Variants in VAT1L observed in about 807,000 individuals in gnomAD.
VAT1L encodes the protein putative NADPH-dependent quinone oxidoreductase VAT1L.
In VAT1L, 34 loss-of-function variants were observed where a neutral mutation model predicts 44.1. That is an observed-to-expected ratio of 0.77 (90% CI 0.59 to 1.03). The LOEUF (loss-of-function observed/expected upper bound fraction) is 1.03. Among genes scored for constraint, VAT1L ranks in the 50% least tolerant of loss-of-function variants. The pLI is 0.00. For synonymous variants in VAT1L, 253 were observed against 202.2 expected, an observed-to-expected ratio of 1.25 and a Z score of -2.13; for missense variants, 615 against 538.8, an observed-to-expected ratio of 1.14 and a Z score of -1.40.
At chr16:77,973,459 A>C (rs556966896) in intron 8 of VAT1L, among the ~76,000 whole-genome samples, 39 of 151,830 alleles carry the variant, frequency 2.6e-4, no homozygotes, top group Middle Eastern at 3.4e-3. Flanking sequence ...TAATTTTTGT[A>C]TTTTTAGTAG....
intron 7 of VAT1L, among the ~76,000 whole-genome samples, chr16:77,898,328 G>C (rs997709576): frequency 7.9e-5 from 12 of 152,032 alleles, no homozygotes; most frequent in Non-Finnish European, 1.3e-4. Flanking sequence ...TTGGAAAAGA[G>C]GGGGGGGACA....
At chr16:77,977,546 T>C (rs2018354018) in intron 8 of VAT1L, 51 bp from the exon 9 acceptor site, 2 of 1,583,042 alleles carry the variant, frequency 1.3e-6, no homozygotes, top group Non-Finnish European at 1.7e-6. Context: ...TGCTCAGAGA[T>C]GACGAGGCTG....
intron 7 of VAT1L, among the ~76,000 whole-genome samples, chr16:77,959,245 C>T (rs1157069468): frequency 6.6e-6 from 1 of 152,178 alleles, no homozygotes; most frequent in African/African-American, 2.4e-5. Context: ...ATTCATGGTT[C>T]CTGACATTCT....
chr16:77,816,717 A>C (rs2016361547), intron 1 of VAT1L, among the ~76,000 whole-genome samples: 1 of 152,138 alleles, frequency 6.6e-6, no homozygotes, highest in Admixed American at 6.5e-5. Flanking sequence ...GCATAGAGAT[A>C]ATTGAATTTT....
chr16:77,814,894 G>A (rs1477608273), intron 1 of VAT1L, among the ~76,000 whole-genome samples: 1 of 152,086 alleles, frequency 6.6e-6, no homozygotes, highest in African/African-American at 2.4e-5. Flanking sequence ...CCTTCTTAAC[G>A]GAAGATGCAA....
chr16:77,891,595 T>C (rs1309229372), intron 7 of VAT1L, among the ~76,000 whole-genome samples: 1 of 152,218 alleles, frequency 6.6e-6, no homozygotes, highest in South Asian at 2.1e-4. Flanking sequence ...TCAGTCTCGC[T>C]GAGTCTTCTG....
Position 77,862,777 on chromosome 16 carries a change from T to C in VAT1L, c.609T>C (p.Thr203=), listed in dbSNP as rs774234241. The C allele has an allele frequency of 6.8e-6, 11 of 1,614,102 alleles. No individual in the cohort carries two copies. The South Asian group carries it at 1.1e-4, about 16-fold the overall frequency. Residue 203 remains threonine (T), a synonymous_variant, in exon 4 of 9, where the codon ACT becomes ACC. Coordinates refer to ENST00000302536, the MANE Select transcript of VAT1L (RefSeq NM_020927.3). ...AAGCTGTGGCTCAGCTGTGTTCCAC[T>C]GTCCCCAACGTGACTGTCTTTGGAA... The part of the protein sequence containing the change: ...VGQAVAQLCS[T]VPNVTVFGTA...
chr16:77,815,698 G>A (rs1349101030), intron 1 of VAT1L, among the ~76,000 whole-genome samples: 2 of 152,084 alleles, frequency 1.3e-5, no homozygotes, highest in African/African-American at 4.8e-5. Flanking sequence ...GCTGGGCACA[G>A]TGGCTCATGC....
At chr16:77,795,186 G>C (rs116292223) in intron 1 of VAT1L, among the ~76,000 whole-genome samples, 163 of 149,814 alleles carry the variant, frequency 1.1e-3, no homozygotes, top group African/African-American at 3.8e-3. Context: ...ACATACTTCT[G>C]TCTTCCCATT....
intron 1 of VAT1L, among the ~76,000 whole-genome samples, chr16:77,803,641 G>C (rs530109939): frequency 6.6e-6 from 1 of 151,904 alleles, no homozygotes; most frequent in African/African-American, 2.4e-5. Flanking sequence ...GGATGGTCTC[G>C]ATTTCCTGAC....
intron 8 of VAT1L, among the ~76,000 whole-genome samples, chr16:77,975,182 C>T (rs544400220): frequency 5.6e-5 from 7 of 125,288 alleles, no homozygotes; most frequent in Non-Finnish European, 9.9e-5. Context: ...CTTTCTCCTA[C>T]TGGAATGACC....
intron 7 of VAT1L, among the ~76,000 whole-genome samples, chr16:77,890,222 C>T (rs549423532): frequency 3.9e-5 from 6 of 152,000 alleles, no homozygotes; most frequent in African/African-American, 1.4e-4. Flanking sequence ...AAGCAGGAGG[C>T]ACAGCATGAA....
At chr16:77,943,807 C>G (rs1189513674) in intron 7 of VAT1L, among the ~76,000 whole-genome samples, 1 of 152,204 alleles carries the variant, frequency 6.6e-6, no homozygotes, top group East Asian at 1.9e-4. Context: ...GAGCATAGGG[C>G]TCTCACATAG....
chr16:77,977,014 T>C (rs1471867937), intron 8 of VAT1L, among the ~76,000 whole-genome samples: 6 of 152,140 alleles, frequency 3.9e-5, no homozygotes, highest in African/African-American at 4.8e-5. Flanking sequence ...ATGCTCTCAA[T>C]ACCCCTCACA....
chr16:77,827,993 A>C (rs1017658108), intron 3 of VAT1L, among the ~76,000 whole-genome samples: 3 of 152,174 alleles, frequency 2.0e-5, no homozygotes, highest in Non-Finnish European at 4.4e-5. Context: ...CAGAGTTGAA[A>C]AGTGCAGTTG....
chr16:77,948,967 T>C (rs1345107461), intron 7 of VAT1L, among the ~76,000 whole-genome samples: 1 of 152,188 alleles, frequency 6.6e-6, no homozygotes, highest in Non-Finnish European at 1.5e-5. Flanking sequence ...TTAAAATCAC[T>C]GTCACTTATC....
intron 7 of VAT1L, among the ~76,000 whole-genome samples, chr16:77,913,450 C>G (rs549553127): frequency 6.6e-6 from 1 of 151,630 alleles, no homozygotes; most frequent in Non-Finnish European, 1.5e-5. Flanking sequence ...TCAACAGGGA[C>G]CCCCCTCCCC....
intron 7 of VAT1L, among the ~76,000 whole-genome samples, chr16:77,931,892 G>A (rs1024536242): frequency 1.3e-5 from 2 of 152,114 alleles, no homozygotes. Flanking sequence ...ATTTTTTATA[G>A]GAAAACTTTG....
At chr16:77,931,196 C>T (rs998823153) in intron 7 of VAT1L, among the ~76,000 whole-genome samples, 1 of 152,108 alleles carries the variant, frequency 6.6e-6, no homozygotes, top group Non-Finnish European at 1.5e-5. Context: ...AACTTTCTTT[C>T]ATTGAACGAC....
Sources: gnomAD v4.1 joint callset for allele counts (sites outside exome capture counted in the v4.1 genomes callset) on GRCh38, gnomAD v4.1.1 for gene constraint, MANE v1.5 for transcripts, NCBI Gene and HGNC (gene_info 2026-07-23, HGNC 2026-07-21) for gene names.